TESC: variants seen among roughly 807,000 people sequenced by gnomAD.
TESC encodes the protein calcineurin B homologous protein 3.
In TESC, 19 loss-of-function variants were observed where a neutral mutation model predicts 31.0. That is an observed-to-expected ratio of 0.61 (90% CI 0.43 to 0.90). TESC has a LOEUF of 0.90. Among genes scored for constraint, TESC ranks in the 40% least tolerant of loss-of-function variants. The pLI is 0.00. For synonymous variants in TESC, 109 were observed against 114.8 expected (o/e 0.95, Z 0.32); for missense variants, 248 against 303.8 (o/e 0.82, Z 1.36).
intron 2 of TESC, among the ~76,000 whole-genome samples, chr12:117,068,063 TA>T (rs758384042): frequency 3.3e-5 from 5 of 152,164 alleles, no homozygotes; most frequent in Admixed American, 6.5e-5. Flanking sequence ...GGCTCATTTT[TA>T]AATTTTTTTT....
intron 3 of TESC, among the ~76,000 whole-genome samples, chr12:117,054,959 T>G (rs1171480069): frequency 3.3e-5 from 5 of 151,930 alleles, no homozygotes; most frequent in Admixed American, 3.3e-4. Flanking sequence ...CCCAGACACC[T>G]CCAGGCTCCA....
chr12:117,041,882 C>A, intron 7 of TESC, 65 bp downstream of exon 7: 1 of 1,508,492 alleles, frequency 6.6e-7, no homozygotes, highest in South Asian at 1.2e-5. Flanking sequence ...CATGTCCCCT[C>A]CTGACCAGTG....
chr12:117,089,839 T>C (rs1229426583), intron 1 of TESC, among the ~76,000 whole-genome samples: 1 of 152,204 alleles, frequency 6.6e-6, no homozygotes, highest in Non-Finnish European at 1.5e-5. Context: ...ATTTTCATAA[T>C]GGAAGATATG....
Position 117,084,519 on chromosome 12 carries a change from G to A in TESC, c.59-9179C>T, listed in dbSNP as rs570244940. On this transcript the variant is annotated intron_variant, in intron 1 of 7. Transcript: ENST00000335209. ...AAGGGTTCTGAATGCTGGGGTAAGC[G>A]CATTGCCTGCCTGGCCCTGGCCTCC... Among the ~76,000 whole-genome samples the A allele has an allele frequency of 3.9e-5, 6 of 152,262 alleles. 1 individual carries two copies. Among genetic ancestry groups the A allele is most frequent in the Non-Finnish European group, 5.9e-5 (4 of 68,050 alleles).
intron 1 of TESC, among the ~76,000 whole-genome samples, chr12:117,086,390 CT>C (rs901748985): frequency 6.6e-6 from 1 of 152,060 alleles, no homozygotes; most frequent in African/African-American, 2.4e-5. Flanking sequence ...GCATGAGCCA[CT>C]GCTCCTGGCC....
intron 1 of TESC, among the ~76,000 whole-genome samples, chr12:117,092,881 C>T (rs1310105058): frequency 1.3e-5 from 2 of 152,204 alleles, no homozygotes; most frequent in East Asian, 1.9e-4. Flanking sequence ...ATGGAAAACA[C>T]TTCACTGTTC....
At chr12:117,057,125 A>G (rs540646119) in intron 2 of TESC, among the ~76,000 whole-genome samples, 2 of 152,186 alleles carry the variant, frequency 1.3e-5, no homozygotes, top group Admixed American at 1.3e-4. Flanking sequence ...TTTTTGAGAT[A>G]GAGTCTCACT....
intron 7 of TESC, among the ~76,000 whole-genome samples, chr12:117,040,208 G>A (rs1169787339): frequency 1.3e-5 from 2 of 152,222 alleles, no homozygotes; most frequent in African/African-American, 4.8e-5. Context: ...TGTTCTGGGT[G>A]TCATGGGGTG....
At chr12:117,074,294 A>G (rs1340234367) in intron 2 of TESC, among the ~76,000 whole-genome samples, 2 of 151,884 alleles carry the variant, frequency 1.3e-5, no homozygotes, top group African/African-American at 2.4e-5. Context: ...CTTGGGCCCA[A>G]GAGGTTGAGG....
At chr12:117,081,428 A>T (rs1282824104) in intron 1 of TESC, among the ~76,000 whole-genome samples, 1 of 152,242 alleles carries the variant, frequency 6.6e-6, no homozygotes, top group Non-Finnish European at 1.5e-5. Flanking sequence ...ACATAATGTA[A>T]TTACATTACA....
At chr12:117,085,038 C>T (rs1320067945) in intron 1 of TESC, among the ~76,000 whole-genome samples, 1 of 152,252 alleles carries the variant, frequency 6.6e-6, no homozygotes, top group South Asian at 2.1e-4. Flanking sequence ...ACAGTAAACG[C>T]TGCTTCAGCT....
chr12:117,075,693 A>T (rs1011442946), intron 1 of TESC, among the ~76,000 whole-genome samples: 8 of 150,410 alleles, frequency 5.3e-5, no homozygotes, highest in African/African-American at 2.4e-5. Context: ...TTTCACTTCC[A>T]TCACTCAGGC....
intron 1 of TESC, among the ~76,000 whole-genome samples, chr12:117,080,920 C>T (rs1198997138): frequency 2.0e-5 from 3 of 152,324 alleles, no homozygotes; most frequent in Admixed American, 6.5e-5. Context: ...AGTTTCCTTG[C>T]TCCTCACCTC....
At chr12:117,040,951 A>C (rs374818828) in intron 7 of TESC, among the ~76,000 whole-genome samples, 1 of 124,026 alleles carries the variant, frequency 8.1e-6, no homozygotes, top group African/African-American at 3.3e-5. Flanking sequence ...TGCTCCCCTG[A>C]CTTCCTTGTC....
At chr12:117,075,875 G>T (rs11068318) in intron 1 of TESC, among the ~76,000 whole-genome samples, 2 of 62,540 alleles carry the variant, frequency 3.2e-5, no homozygotes, top group African/African-American at 1.5e-4. Context: ...ATATATGTGT[G>T]TATATATATA....
chr12:117,097,447 G>A (rs1419451281), intron 1 of TESC, among the ~76,000 whole-genome samples: 1 of 152,130 alleles, frequency 6.6e-6, no homozygotes, highest in Non-Finnish European at 1.5e-5. Flanking sequence ...CGAGTGCCCC[G>A]TGGGCTGCCG....
chr12:117,073,065 C>G (rs149103135), intron 2 of TESC, among the ~76,000 whole-genome samples: 32 of 152,310 alleles, frequency 2.1e-4, no homozygotes, highest in African/African-American at 7.7e-4. Flanking sequence ...TCCATATATG[C>G]CACCTCCCCG....
chr12:117,098,980 C>T (rs1955434400), intron 1 of TESC, among the ~76,000 whole-genome samples: 1 of 152,176 alleles, frequency 6.6e-6, no homozygotes, highest in African/African-American at 2.4e-5. Context: ...CGCAGTCCCC[C>T]GGCCAGGGAG....
At position 117,048,972 on chromosome 12, in the gene TESC, G is replaced by C. The variant is rs1314467794; in HGVS notation, c.349+47C>G. On this transcript the variant is annotated intron_variant, in intron 4 of 7. Transcript: ENST00000335209. The stretch of plus-strand genomic sequence containing the variant: ...CTTGCGTTCTGAGGTCTTAGGGGAG[G>C]CTGCACCCCAGGCCAGGTGTGAGCA... 3 of 1,613,076 alleles carry C rather than the reference G, an allele frequency of 1.9e-6. No homozygotes were observed. In the Admixed American group the frequency reaches 5.0e-5, roughly 27 times the overall value.
Sources: allele counts gnomAD v4.1 joint callset (sites outside exome capture counted in the v4.1 genomes callset), GRCh38; gene constraint gnomAD v4.1.1; transcripts MANE v1.5; gene names NCBI Gene and HGNC (gene_info 2026-07-23, HGNC 2026-07-21).